The following RARA variants were observed in gnomAD, a reference collection of about 807,000 sequenced individuals.
The protein encoded by RARA is retinoic acid receptor alpha.
RARA carries 5 observed loss-of-function variants against 42.8 expected under a neutral mutation model. The ratio of observed to expected loss-of-function variants is 0.12; its 90% CI spans 0.06 to 0.25. The LOEUF (loss-of-function observed/expected upper bound fraction) is 0.25. RARA is among the 10% of genes least tolerant of loss of function. The pLI, the probability that RARA is intolerant of heterozygous loss-of-function variation, is 1.00. For missense variants in RARA, 402 were observed against 628.7 expected (o/e 0.64, Z 3.86); for synonymous variants, 256 against 259.5 (o/e 0.99, Z 0.13).
chr17:40,351,808 T>C lies in RARA; in HGVS notation c.470-102T>C. On this transcript the variant is annotated intron_variant, in intron 4 of 8. Coordinates refer to ENST00000254066, the MANE Select transcript of RARA (RefSeq NM_000964.4). The surrounding 1 kb of genome is among the most constrained non-coding windows in gnomAD (Gnocchi z 4.1). ...TGCTGTGTGCGCGTGCTTACAAGCC[T>C]GGGTGACCTCCTCAGCAGCTGGCAG... is the stretch of plus-strand genomic sequence containing the variant. The C allele has an allele frequency of 1.4e-6, 2 of 1,473,574 alleles. No homozygotes were observed. The highest frequency in any genetic ancestry group is 1.3e-5 in the South Asian group (1 of 78,788). The allele number at this position is 1,473,574 out of a possible 1,614,324, so 91.3% of individuals were successfully genotyped here.
chr17:40,338,306 C>T (rs1293325349), intron 2 of RARA, among the ~76,000 whole-genome samples: 3 of 152,186 alleles, frequency 2.0e-5, no homozygotes, highest in South Asian at 4.1e-4. Context: ...TCCTCCTCCT[C>T]CTCTGTGGAG....
chr17:40,329,265 A>G (rs780803908), intron 1 of RARA, among the ~76,000 whole-genome samples: 2 of 151,044 alleles, frequency 1.3e-5, no homozygotes, highest in Non-Finnish European at 2.9e-5. Context: ...CTGGGATTAC[A>G]GGCATGTGCC....
intron 2 of RARA, among the ~76,000 whole-genome samples, chr17:40,347,045 T>C (rs1370769033): frequency 1.3e-5 from 2 of 152,348 alleles, no homozygotes; most frequent in Non-Finnish European, 2.9e-5. Flanking sequence ...GGTGTTCCCA[T>C]GCTTCCTTCC....
Position 40,349,788 on chromosome 17 carries a change from T to G in RARA, c.332T>G (p.Phe111Cys). The change falls in exon 4 of 9, where the codon TTC becomes TGC. Residue 111 changes from phenylalanine (F) to cysteine (C), a missense_variant. By Grantham distance (205) the Phe-to-Cys change is radical. Coordinates refer to ENST00000254066, the MANE Select transcript of RARA (RefSeq NM_000964.4). ...CTCCCTCCCCTCCATACCCAGGGCT[T>G]CTTCCGCCGCAGCATCCAGAAGAAC... ...GVSACEGCKG[F>C]FRRSIQKNMV... 1 of 1,614,088 alleles carries G rather than the reference T, an allele frequency of 6.2e-7. No individual in the cohort carries two copies. The highest frequency in any genetic ancestry group is 8.5e-7 in the Non-Finnish European group (1 of 1,179,980).
chr17:40,355,199 G>A lies in RARA; in HGVS notation c.1013-64G>A, dbSNP rs897993970. ...CATGGCCTGGGCAGGCACGCCCCCC[G>A]GTGGCCGAGGCTGGGGGTGCAGCTG... On this transcript the variant is annotated intron_variant, in intron 7 of 8. Transcript: ENST00000254066. The surrounding 1 kb of genome is among the most constrained non-coding windows in gnomAD (Gnocchi z 4.1). 8 of 1,500,760 alleles carry A rather than the reference G, an allele frequency of 5.3e-6. No individual in the cohort carries two copies. The Admixed American group carries it at 1.1e-4, about 21-fold the overall frequency. The allele number at this position is 1,500,760 out of a possible 1,614,324, so 93.0% of individuals were successfully genotyped here. A position where few individuals can be genotyped will look rare whatever the true frequency, so the allele number is the denominator to read the frequency against.
intron 1 of RARA, among the ~76,000 whole-genome samples, chr17:40,311,268 G>A (rs896218114): frequency 1.3e-5 from 2 of 152,098 alleles, no homozygotes; most frequent in African/African-American, 4.8e-5. Flanking sequence ...CCCTGGCACT[G>A]CCCCGGCCTC....
chr17:40,341,733 C>T, intron 2 of RARA: 3 of 1,295,962 alleles, frequency 2.3e-6, no homozygotes, highest in Non-Finnish European at 2.9e-6. Flanking sequence ...GGGAGGACAC[C>T]GGGACCACCC....
intron 1 of RARA, among the ~76,000 whole-genome samples, chr17:40,324,406 G>A (rs775019479): frequency 1.3e-5 from 2 of 151,906 alleles, no homozygotes; most frequent in Non-Finnish European, 2.9e-5. Flanking sequence ...CTGGTTCTAC[G>A]TGGACCTCTC....
At chr17:40,341,330 C>A in intron 2 of RARA, 1 of 1,407,664 alleles carries the variant, frequency 7.1e-7, no homozygotes, top group Non-Finnish European at 9.3e-7. Flanking sequence ...CCCCCTCTGC[C>A]TGTGTTTGTG....
At chr17:40,341,506 C>T in intron 2 of RARA, 1 of 1,486,924 alleles carries the variant, frequency 6.7e-7, no homozygotes. Flanking sequence ...CCTACGCCTC[C>T]TGCCGCCGCT....
chr17:40,313,308 G>C (rs1181327674), intron 1 of RARA, among the ~76,000 whole-genome samples: 1 of 152,190 alleles, frequency 6.6e-6, no homozygotes, highest in East Asian at 1.9e-4. Context: ...CTGAGGAGTG[G>C]GGAGATTACT....
rs2143507861 is a variant in RARA at position 40,352,825 on chromosome 17, A to G, written c.807+318A>G. ...TGCAGTGGCTCATACCTGTAATCCC[A>G]GCACTTTGGGAGGCCGAGCGAGGCA... On this transcript the variant is annotated intron_variant, in intron 6 of 8. Coordinates refer to ENST00000254066, the MANE Select transcript of RARA (RefSeq NM_000964.4). The surrounding 1 kb of genome is among the most constrained non-coding windows in gnomAD (Gnocchi z 4.9). Among the ~76,000 whole-genome samples, 1 of 152,312 alleles carries G rather than the reference A, an allele frequency of 6.6e-6. No homozygotes were observed. The highest frequency in any genetic ancestry group is 1.5e-5 in the Non-Finnish European group (1 of 68,018).
rs1487817745 is a variant in RARA at position 40,354,518 on chromosome 17, G to T, written c.1012+12G>T. 2 of 1,610,052 alleles carry T rather than the reference G, an allele frequency of 1.2e-6. No homozygotes were observed. Among genetic ancestry groups the T allele is most frequent in the Non-Finnish European group, 1.7e-6 (2 of 1,177,740 alleles). On this transcript the variant is annotated intron_variant, in intron 7 of 8. Transcript: ENST00000254066. The surrounding 1 kb of genome is among the most constrained non-coding windows in gnomAD (Gnocchi z 4.5). ...CCTCATCTGCGGAGGTGGGCAGGGG[G>T]CCTGGGTCTGGGGGCTGGGCTGGGA...
chr17:40,354,943 T>C lies in RARA; in HGVS notation c.1013-320T>C, dbSNP rs2034568564. Among the ~76,000 whole-genome samples the C allele has an allele frequency of 6.6e-6, 1 of 152,216 alleles. No individual in the cohort carries two copies. The highest frequency in any genetic ancestry group is 6.5e-5 in the Admixed American group (1 of 15,292). ...TTGTTGTGATTTCTGCCATTTCATC[T>C]GGTTTCCAGAATAACAGGGGGGAGT... On this transcript the variant is annotated intron_variant, in intron 7 of 8. Transcript: ENST00000254066. This position sits in a 1 kb window ranked among gnomAD's most constrained non-coding sequence, Gnocchi z 4.5.
intron 1 of RARA, among the ~76,000 whole-genome samples, chr17:40,319,768 GC>G (rs2033321291): frequency 1.3e-5 from 2 of 152,046 alleles, no homozygotes; most frequent in Admixed American, 1.3e-4. Flanking sequence ...TGCCGGGGAA[GC>G]CCCGGGTTGG....
chr17:40,334,129 A>G (rs190328407), intron 2 of RARA, among the ~76,000 whole-genome samples: 1 of 152,280 alleles, frequency 6.6e-6, no homozygotes, highest in Non-Finnish European at 1.5e-5. Flanking sequence ...GAGGGAGCAA[A>G]TGCTTTGCCT....
At chr17:40,342,442 C>T (rs1029470744) in intron 2 of RARA, 133 of 1,206,068 alleles carry the variant, frequency 1.1e-4, no homozygotes, top group Non-Finnish European at 4.9e-5. Context: ...TTCCCGGGCC[C>T]CGCCAGGCTT....
rs1254317241 is a variant in RARA at position 40,351,476 on chromosome 17, G to A, written c.470-434G>A. Reference sequence around the variant, plus strand: ...GCCCTACTCCCCACTTGCCCCAGGAGCTGCTCAGAGCCAGTCCCAAGGGAC... The same window carrying A: ...GCCCTACTCCCCACTTGCCCCAGGAACTGCTCAGAGCCAGTCCCAAGGGAC... On this transcript the variant is annotated intron_variant, in intron 4 of 8. Transcript: ENST00000254066. This position sits in a 1 kb window ranked among gnomAD's most constrained non-coding sequence, Gnocchi z 4.1. The A allele has an allele frequency of 2.1e-6, 1 of 473,408 alleles. No individual in the cohort carries two copies. The highest frequency in any genetic ancestry group is 2.0e-5 in the African/African-American group (1 of 50,298). The allele number at this position is 473,408 out of a possible 1,614,324, so 29.3% of individuals were successfully genotyped here.
intron 1 of RARA, among the ~76,000 whole-genome samples, chr17:40,322,554 C>T (rs2033420672): frequency 6.6e-6 from 1 of 152,100 alleles, no homozygotes; most frequent in Admixed American, 6.5e-5. Context: ...TGGCTTTATC[C>T]CGGCCCTCCC....
Sources: gnomAD v4.1 joint callset for allele counts (sites outside exome capture counted in the v4.1 genomes callset) on GRCh38, gnomAD v4.1.1 for gene constraint, Gnocchi (gnomAD v3.1) non-coding constraint, MANE v1.5 for transcripts, NCBI Gene and HGNC (gene_info 2026-07-23, HGNC 2026-07-21) for gene names.